Variants in ZBTB16 observed in about 807,000 individuals in gnomAD.
ZBTB16 encodes the protein zinc finger and BTB domain containing 16.
ZBTB16 carries 8 observed loss-of-function variants against 56.8 expected under a neutral mutation model. The ratio of observed to expected loss-of-function variants is 0.14; its 90% CI spans 0.08 to 0.25. The LOEUF (loss-of-function observed/expected upper bound fraction) is 0.25. Ranked by LOEUF, ZBTB16 falls within the 10% of genes least tolerant of loss-of-function variation. The pLI is 1.00. For synonymous variants in ZBTB16, 363 were observed against 368.5 expected (o/e 0.98, Z 0.17); for missense variants, 625 against 903.0 (o/e 0.69, Z 3.95).
chr11:114,203,186 G>A (rs1374297539), intron 4 of ZBTB16, among the ~76,000 whole-genome samples: 1 of 152,204 alleles, frequency 6.6e-6, no homozygotes, highest in African/African-American at 2.4e-5. Context: ...CCCGTGCTAA[G>A]TGAAACAAGC....
At chr11:114,195,482 G>A (rs908291368) in intron 4 of ZBTB16, among the ~76,000 whole-genome samples, 6 of 152,192 alleles carry the variant, frequency 3.9e-5, no homozygotes, top group African/African-American at 1.4e-4. Context: ...CCTGAAGGCA[G>A]GGAAGTGGAT....
chr11:114,225,160 A>C (rs888482784), intron 4 of ZBTB16, among the ~76,000 whole-genome samples: 12 of 152,288 alleles, frequency 7.9e-5, no homozygotes, highest in African/African-American at 2.2e-4. Context: ...CGAATATGAA[A>C]GAAGTAAGGA....
intron 2 of ZBTB16, among the ~76,000 whole-genome samples, chr11:114,086,447 A>G (rs1939960439): frequency 6.6e-6 from 1 of 151,908 alleles, no homozygotes; most frequent in African/African-American, 2.4e-5. Context: ...TCCAGTTTGC[A>G]CCATTTGAGT....
intron 3 of ZBTB16, among the ~76,000 whole-genome samples, chr11:114,182,325 C>T (rs1943267913): frequency 6.6e-6 from 1 of 152,202 alleles, no homozygotes; most frequent in South Asian, 2.1e-4. Flanking sequence ...GCTGGGATTA[C>T]AGGCGTGAGC....
At chr11:114,184,021 AGGT>A (rs1943310556) in intron 3 of ZBTB16, among the ~76,000 whole-genome samples, 1 of 152,244 alleles carries the variant, frequency 6.6e-6, no homozygotes, top group Non-Finnish European at 1.5e-5. Context: ...CCCTGCCTCC[AGGT>A]GAAATTCAAC....
rs533484999 is a variant in ZBTB16, at chr11:114,219,205, A to G, written c.1454-22962A>G. Among the ~76,000 whole-genome samples the G allele has an allele frequency of 2.3e-4, 35 of 152,284 alleles. No individual in the cohort carries two copies. The South Asian group carries it at 7.2e-3, about 32-fold the overall frequency. ...AACCAGGGTAGGGAAGGAAGAGTTG[A>G]AGATTATTACATCCCCATGGGTCAG... On this transcript the variant is annotated intron_variant, in intron 4 of 6. Transcript: ENST00000335953.
At chr11:114,095,138 G>C (rs959113794) in intron 2 of ZBTB16, among the ~76,000 whole-genome samples, 2 of 152,058 alleles carry the variant, frequency 1.3e-5, no homozygotes, top group Non-Finnish European at 2.9e-5. Context: ...GAGGAATGAA[G>C]ATGCACGTGC....
rs915010828 is a variant in ZBTB16 at position 114,116,081 on chromosome 11, C to A, written c.1269-40256C>A. ...CATTTCAAGCTTCAAGGTTTTCACT[C>A]CCAGCTTCAAGGTTTGCTGAAATTG... On this transcript the variant is annotated intron_variant, in intron 2 of 6. Transcript: ENST00000335953. 3.3e-5 allele frequency among the ~76,000 whole-genome samples: 5 copies of A among 152,280 alleles called. No individual in the cohort carries two copies. The South Asian group carries it at 1.0e-3, about 32-fold the overall frequency.
chr11:114,250,189 TC>T lies in ZBTB16; in HGVS notation c.1793-136del. ...GTGGCTGCCGTCTTGGGTGGTGCCT[TC>T]ATTGTCCCAGAAAGTTCTGTTGGAG... On this transcript the variant is annotated intron_variant, in intron 6 of 6. Coordinates refer to ENST00000335953, the MANE Select transcript of ZBTB16 (RefSeq NM_006006.6). The surrounding 1 kb of genome is among the most constrained non-coding windows in gnomAD (Gnocchi z 6.0). The T allele has an allele frequency of 1.1e-6, 1 of 917,392 alleles. No homozygotes were observed. Among genetic ancestry groups the T allele is most frequent in the Admixed American group, 1.9e-5 (1 of 53,262 alleles). 56.8% of individuals were successfully genotyped at this position (917,392 alleles called of 1,614,324 possible). A position where few individuals can be genotyped will look rare whatever the true frequency, so the allele number is the denominator to read the frequency against.
At chr11:114,095,156 C>A (rs1940335255) in intron 2 of ZBTB16, among the ~76,000 whole-genome samples, 1 of 151,828 alleles carries the variant, frequency 6.6e-6, no homozygotes, top group South Asian at 2.1e-4. Context: ...TGCACGCGCC[C>A]TGCAGTCTCA....
At chr11:114,109,266 A>T (rs1412456160) in intron 2 of ZBTB16, among the ~76,000 whole-genome samples, 2 of 152,176 alleles carry the variant, frequency 1.3e-5, no homozygotes, top group East Asian at 1.9e-4. Flanking sequence ...TCTTATAGAA[A>T]ATGCTGGTTC....
rs781163861 is a variant in ZBTB16, at chr11:114,063,322, A to G, written c.22A>G (p.Met8Val). The stretch of plus-strand genomic sequence containing the variant: ...CACCATGGATCTGACAAAAATGGGC[A>G]TGATCCAGCTGCAGAACCCTAGCCA... MDLTKMG[M>V]IQLQNPSHPT... is the part of the protein sequence containing the mutation. Residue 8 changes from methionine to valine, a missense_variant, in exon 2 of 7, where the codon ATG becomes GTG. By Grantham distance (21) the Met-to-Val change is conservative. Around this residue, in one of 6 missense-constraint regions of ZBTB16, gnomAD observed 54 missense variants for 159.4 expected, o/e 0.34. Coordinates refer to ENST00000335953, the MANE Select transcript of ZBTB16 (RefSeq NM_006006.6). This position sits in a 1 kb window ranked among gnomAD's most constrained non-coding sequence, Gnocchi z 6.5. 2 of 1,613,888 alleles carry G rather than the reference A, an allele frequency of 1.2e-6. No individual in the cohort carries two copies. The highest frequency in any genetic ancestry group is 1.7e-6 in the Non-Finnish European group (2 of 1,180,032).
chr11:114,133,015 T>C (rs757502480), intron 2 of ZBTB16, among the ~76,000 whole-genome samples: 3 of 152,162 alleles, frequency 2.0e-5, no homozygotes, highest in Non-Finnish European at 4.4e-5. Flanking sequence ...GGCTCTTCCA[T>C]GCGGCAATGA....
chr11:114,071,429 C>T (rs1672691), intron 2 of ZBTB16, among the ~76,000 whole-genome samples: 29,938 of 151,850 alleles, frequency 0.2, 3,081 homozygotes, highest in Middle Eastern at 0.34. Flanking sequence ...TGGATGGAGC[C>T]GCTAATTGCT....
At chr11:114,091,488 G>A (rs1397187769) in intron 2 of ZBTB16, among the ~76,000 whole-genome samples, 4 of 151,510 alleles carry the variant, frequency 2.6e-5, no homozygotes, top group African/African-American at 7.3e-5. Context: ...CACCGTAGAC[G>A]TCCGAGCAGC....
intron 3 of ZBTB16, among the ~76,000 whole-genome samples, chr11:114,172,638 C>T (rs1943000663): frequency 6.6e-6 from 1 of 152,212 alleles, no homozygotes; most frequent in South Asian, 2.1e-4. Context: ...GTACAGATTG[C>T]ACGTTTGCAG....
intron 4 of ZBTB16, among the ~76,000 whole-genome samples, chr11:114,212,877 A>G (rs187807323): frequency 1.4e-4 from 21 of 152,052 alleles, no homozygotes; most frequent in African/African-American, 4.1e-4. Flanking sequence ...TCCCTTTTCT[A>G]AAAATCTGCA....
chr11:114,075,378 G>A (rs1343957680), intron 2 of ZBTB16, among the ~76,000 whole-genome samples: 1 of 152,116 alleles, frequency 6.6e-6, no homozygotes, highest in African/African-American at 2.4e-5. Flanking sequence ...CCCAGCGTCC[G>A]GCCAGTGGTG....
intron 2 of ZBTB16, among the ~76,000 whole-genome samples, chr11:114,073,443 C>T (rs1022082695): frequency 5.9e-5 from 9 of 152,184 alleles, no homozygotes; most frequent in East Asian, 5.8e-4. Context: ...TTAAAAGCCC[C>T]GGTGTCCTTA....
Sources: allele counts gnomAD v4.1 joint callset (sites outside exome capture counted in the v4.1 genomes callset), GRCh38; gene constraint gnomAD v4.1.1; regional missense constraint gnomAD v4.1.1; non-coding constraint Gnocchi (gnomAD v3.1); transcripts MANE v1.5; gene names NCBI Gene and HGNC (gene_info 2026-07-23, HGNC 2026-07-21).